ERO1B: variants seen among roughly 807,000 people sequenced by gnomAD.
The protein encoded by ERO1B is endoplasmic reticulum oxidoreductase 1 beta.
In ERO1B, 49 loss-of-function variants were observed where a neutral mutation model predicts 75.3. That is an observed-to-expected ratio of 0.65 (90% CI 0.52 to 0.83). The LOEUF is 0.83. ERO1B is among the 40% of genes least tolerant of loss of function. The pLI, the probability that ERO1B is intolerant of heterozygous loss-of-function variation, is 0.00. For missense variants in ERO1B, 512 were observed against 560.1 expected (o/e 0.91, Z 0.87); for synonymous variants, 191 against 192.9 (o/e 0.99, Z 0.08).
intron 2 of ERO1B, among the ~76,000 whole-genome samples, chr1:236,258,546 G>C (rs2477595): frequency 0.25 from 37,683 of 152,034 alleles, 4,853 homozygotes; most frequent in East Asian, 0.38. Context: ...AATGCTAAAA[G>C]GATCCTTCAA....
chr1:236,277,522 G>A (rs1171843702), intron 1 of ERO1B, among the ~76,000 whole-genome samples: 1 of 152,088 alleles, frequency 6.6e-6, no homozygotes, highest in Non-Finnish European at 1.5e-5. Context: ...GTCCATGAGC[G>A]GCAAACAAGG....
rs1415976400 is a variant in ERO1B at position 236,235,839 on chromosome 1, A to T, written c.627-4T>A. 1 of 1,612,136 alleles carries T rather than the reference A, an allele frequency of 6.2e-7. No individual in the cohort carries two copies. The highest frequency in any genetic ancestry group is 1.7e-4 in the Middle Eastern group (1 of 6,050). On this transcript the variant is annotated splice_polypyrimidine_tract_variant and splice_region_variant and intron_variant, in intron 7 of 15. Transcript: ENST00000354619. ...AGGACGATAAACAGATCGAGGCCTGAAAAAGAAAGCATAATACCCAAACAT... is the reference window on the plus strand; with the variant it reads ...AGGACGATAAACAGATCGAGGCCTGTAAAAGAAAGCATAATACCCAAACAT...
intron 2 of ERO1B, among the ~76,000 whole-genome samples, chr1:236,258,161 A>AC (rs1665208004): frequency 1.4e-5 from 2 of 145,030 alleles, no homozygotes; most frequent in Non-Finnish European, 3.0e-5. Flanking sequence ...AAAAAAAAAA[A>AC]AACCCAGCCA....
intron 2 of ERO1B, among the ~76,000 whole-genome samples, chr1:236,259,967 G>C (rs756813935): frequency 1.3e-5 from 2 of 152,148 alleles, no homozygotes; most frequent in Non-Finnish European, 2.9e-5. Flanking sequence ...CTCCAGGATA[G>C]AGCATGTTAG....
intron 14 of ERO1B, chr1:236,221,654 C>T: frequency 3.1e-6 from 1 of 326,528 alleles, no homozygotes; most frequent in Non-Finnish European, 5.5e-6. Flanking sequence ...TTCGTAATGA[C>T]CACCAACTTC....
chr1:236,270,995 A>C (rs1370980460), intron 1 of ERO1B, among the ~76,000 whole-genome samples: 1 of 152,170 alleles, frequency 6.6e-6, no homozygotes, highest in Non-Finnish European at 1.5e-5. Context: ...GTATGTGATA[A>C]AATTATATGG....
chr1:236,239,857 A>ATATATATG (rs771310245), intron 6 of ERO1B, among the ~76,000 whole-genome samples: 427 of 39,708 alleles, frequency 0.011, 11 homozygotes, highest in African/African-American at 0.039. Flanking sequence ...ATGTGTATAT[A>ATATATATG]TGTATATATA....
In ERO1B at chr1:236,215,976, G is replaced by A. The variant is rs1022418763; in HGVS notation, c.*2540C>T. ...AATGTTAAAAATGTCAAAATAAAAC[G>A]TTTTGACTTATCAAATTTCAAAAGT... is the stretch of plus-strand genomic sequence containing the variant. On this transcript the variant is annotated 3_prime_UTR_variant, in exon 16 of 16. Transcript: ENST00000354619. 5.3e-5 allele frequency: 8 copies of A among 152,016 alleles called. No homozygotes were observed. Among genetic ancestry groups the A allele is most frequent in the Non-Finnish European group, 7.4e-5 (5 of 67,970 alleles). 9.4% of individuals were successfully genotyped at this position (152,016 alleles called of 1,614,324 possible). A position where few individuals can be genotyped will look rare whatever the true frequency, so the allele number is the denominator to read the frequency against.
intron 9 of ERO1B, among the ~76,000 whole-genome samples, chr1:236,230,611 CA>C (rs397983348): frequency 0.017 from 1,003 of 58,544 alleles, 5 homozygotes; most frequent in African/African-American, 0.053. Context: ...GACCCTGTCT[CA>C]AAAAAAAAAA....
intron 2 of ERO1B, among the ~76,000 whole-genome samples, chr1:236,257,172 G>A (rs1415914712): frequency 1.3e-5 from 2 of 152,180 alleles, no homozygotes; most frequent in African/African-American, 4.8e-5. Context: ...GAGACAGCAG[G>A]CTGGACAAGC....
At chr1:236,268,922 ATAT>A (rs770665099) in intron 2 of ERO1B, among the ~76,000 whole-genome samples, 21 of 151,636 alleles carry the variant, frequency 1.4e-4, no homozygotes, top group Non-Finnish European at 2.5e-4. Context: ...AAACATATAT[ATAT>A]TATTAAATAA....
At chr1:236,254,139 G>C (rs543714549) in intron 2 of ERO1B, among the ~76,000 whole-genome samples, 2 of 152,112 alleles carry the variant, frequency 1.3e-5, no homozygotes, top group African/African-American at 4.8e-5. Flanking sequence ...CGAGGATGGA[G>C]GTAAACAAGG....
chr1:236,230,134 G>T, intron 10 of ERO1B, 90 bp downstream of exon 10: 2 of 960,026 alleles, frequency 2.1e-6, no homozygotes, highest in African/African-American at 1.7e-5. Flanking sequence ...TAGTTGACTA[G>T]GTAATAAAAT....
intron 5 of ERO1B, among the ~76,000 whole-genome samples, chr1:236,246,355 T>C (rs1664887400): frequency 1.3e-5 from 2 of 151,968 alleles, no homozygotes; most frequent in African/African-American, 2.4e-5. Context: ...TAATTTTTTG[T>C]AGAGACAGGA....
In ERO1B at chr1:236,221,905, G is replaced by C; in HGVS notation, c.1209+19C>G. On this transcript the variant is annotated intron_variant, in intron 14 of 15. Transcript: ENST00000354619. ...ATAAAGGTTAGTAATGGCTTCAAAA[G>C]AGAAGACAACACATATACCTGTAAT... The C allele has an allele frequency of 1.3e-6, 2 of 1,589,110 alleles. No homozygotes were observed. Among genetic ancestry groups the C allele is most frequent in the Non-Finnish European group, 1.7e-6 (2 of 1,158,070 alleles).
intron 10 of ERO1B, among the ~76,000 whole-genome samples, chr1:236,227,123 T>C (rs1045779542): frequency 2.0e-5 from 3 of 152,166 alleles, no homozygotes; most frequent in Non-Finnish European, 4.4e-5. Flanking sequence ...CCCCCTTCCT[T>C]ATATGTGTTA....
chr1:236,277,724 A>G (rs2102968694), intron 1 of ERO1B, among the ~76,000 whole-genome samples: 1 of 152,302 alleles, frequency 6.6e-6, no homozygotes, highest in South Asian at 2.1e-4. Context: ...GGATAGATGA[A>G]AAGGTGATGG....
chr1:236,250,964 A>G (rs1213046131), intron 4 of ERO1B, among the ~76,000 whole-genome samples: 1 of 152,128 alleles, frequency 6.6e-6, no homozygotes, highest in Non-Finnish European at 1.5e-5. Flanking sequence ...AATGAGACAA[A>G]GGACAAAAAT....
intron 5 of ERO1B, among the ~76,000 whole-genome samples, chr1:236,245,805 T>C (rs1399608276): frequency 6.6e-6 from 1 of 151,138 alleles, no homozygotes; most frequent in African/African-American, 2.4e-5. Flanking sequence ...TTGGCCAGGT[T>C]GGTCTTGAAC....
Sources: allele counts gnomAD v4.1 joint callset (sites outside exome capture counted in the v4.1 genomes callset), GRCh38; gene constraint gnomAD v4.1.1; transcripts MANE v1.5; gene names NCBI Gene and HGNC (gene_info 2026-07-23, HGNC 2026-07-21).